Variants in AKAP6 observed in about 807,000 individuals in gnomAD.
AKAP6 encodes A-kinase anchoring protein 6, also known as A-kinase anchor protein 6.
AKAP6 carries 58 observed loss-of-function variants against 188.5 expected under a neutral mutation model. The observed-to-expected ratio is 0.31, with a 90% CI of 0.25 to 0.38. AKAP6 has a LOEUF of 0.38. Among genes scored for constraint, AKAP6 ranks in the 10% least tolerant of loss-of-function variants. AKAP6 has a pLI of 1.00. For missense variants in AKAP6, 2,710 were observed against 2,740.0 expected (o/e 0.99, Z 0.24); for synonymous variants, 989 against 998.6 (o/e 0.99, Z 0.18).
intron 2 of AKAP6, among the ~76,000 whole-genome samples, chr14:32,486,104 G>A (rs1292578926): frequency 1.3e-5 from 2 of 152,158 alleles, no homozygotes; most frequent in African/African-American, 4.8e-5. Context: ...TTTGTGTCAG[G>A]TTTGTCAAGG....
At chr14:32,646,228 A>G (rs2139511817) in intron 7 of AKAP6, among the ~76,000 whole-genome samples, 1 of 152,262 alleles carries the variant, frequency 6.6e-6, no homozygotes, top group South Asian at 2.1e-4. Context: ...TCAGTTGTGT[A>G]TCTGAGAACA....
chr14:32,433,910 TC>T, intron 2 of AKAP6, 93 bp downstream of exon 2: 1 of 1,269,138 alleles, frequency 7.9e-7, no homozygotes, highest in Non-Finnish European at 1.1e-6. Flanking sequence ...TGAGGAATTG[TC>T]CAGGAAGAAA....
chr14:32,556,736 T>A (rs1883704739), intron 4 of AKAP6, among the ~76,000 whole-genome samples: 1 of 152,236 alleles, frequency 6.6e-6, no homozygotes, highest in Non-Finnish European at 1.5e-5. Flanking sequence ...TGTCCTTTGA[T>A]GCATCAAGTT....
chr14:32,554,384 T>C (rs1035070838), intron 4 of AKAP6, among the ~76,000 whole-genome samples: 1 of 152,228 alleles, frequency 6.6e-6, no homozygotes, highest in Non-Finnish European at 1.5e-5. Flanking sequence ...CTGAAGTAGA[T>C]TCTTTCATTT....
Position 32,830,026 on chromosome 14 carries a change from G to T in AKAP6, c.*221G>T. The T allele has an allele frequency of 1.4e-6, 1 of 697,102 alleles. No homozygotes were observed. Among genetic ancestry groups the T allele is most frequent in the Non-Finnish European group, 2.6e-6 (1 of 381,690 alleles). The allele number at this position is 697,102 out of a possible 1,614,324, so 43.2% of individuals were successfully genotyped here. A position where few individuals can be genotyped will look rare whatever the true frequency, so the allele number is the denominator to read the frequency against. On this transcript the variant is annotated 3_prime_UTR_variant, in exon 14 of 14. Coordinates refer to ENST00000280979, the MANE Select transcript of AKAP6 (RefSeq NM_004274.5). ...GAATGTGTGCGCTGGTTCTCTTTAG[G>T]TGATCGTCTTTGAAGTTCAGCAAAG...
At chr14:32,647,961 A>C (rs1888052730) in intron 7 of AKAP6, among the ~76,000 whole-genome samples, 1 of 152,140 alleles carries the variant, frequency 6.6e-6, no homozygotes, top group Admixed American at 6.6e-5. Context: ...AAGCAATATA[A>C]AAAATGCAAA....
intron 2 of AKAP6, among the ~76,000 whole-genome samples, chr14:32,444,251 G>T (rs1165731378): frequency 1.3e-5 from 2 of 152,130 alleles, no homozygotes; most frequent in Non-Finnish European, 2.9e-5. Context: ...CAGAGTAGCT[G>T]GGCTTGGGTG....
At chr14:32,794,139 A>T (rs914324987) in intron 12 of AKAP6, among the ~76,000 whole-genome samples, 1 of 152,194 alleles carries the variant, frequency 6.6e-6, no homozygotes, top group African/African-American at 2.4e-5. Context: ...AACTGAAATC[A>T]TAACAAACAG....
At chr14:32,364,258 G>A (rs891112144) in intron 1 of AKAP6, among the ~76,000 whole-genome samples, 1 of 152,212 alleles carries the variant, frequency 6.6e-6, no homozygotes, top group African/African-American at 2.4e-5. Flanking sequence ...ATTTGGAACA[G>A]TTCATTATAG....
intron 1 of AKAP6, among the ~76,000 whole-genome samples, chr14:32,401,287 C>T (rs1170669831): frequency 1.3e-5 from 2 of 152,076 alleles, no homozygotes; most frequent in Non-Finnish European, 2.9e-5. Flanking sequence ...TGAAATGAGT[C>T]AGGGTTTTCT....
At chr14:32,573,761 A>G (rs138274366) in intron 4 of AKAP6, among the ~76,000 whole-genome samples, 3 of 152,230 alleles carry the variant, frequency 2.0e-5, no homozygotes, top group Admixed American at 6.5e-5. Context: ...TGTCATCCTT[A>G]TTTTCTTTCA....
At position 32,821,605 on chromosome 14, in the gene AKAP6, G is replaced by A. The variant is rs1186618013; in HGVS notation, c.3792G>A (p.Glu1264=). Residue 1264 remains glutamate (E), a synonymous_variant, in exon 13 of 14, where the codon GAG becomes GAA. Transcript: ENST00000280979. ...TSNEDPGYDE[E]ADNHGGSQYA... is the part of the protein sequence containing the mutation. ...ATGAGGACCCTGGTTATGACGAGGA[G>A]GCTGATAACCATGGGGGATCTCAGT... 6.2e-7 allele frequency: 1 copy of A among 1,613,568 alleles called. No homozygotes were observed. The highest frequency in any genetic ancestry group is 1.3e-5 in the African/African-American group (1 of 74,846).
chr14:32,657,992 A>T (rs1888523257), intron 7 of AKAP6, among the ~76,000 whole-genome samples: 1 of 152,176 alleles, frequency 6.6e-6, no homozygotes, highest in Non-Finnish European at 1.5e-5. Flanking sequence ...ATAAAGAACT[A>T]GTCTAGCACA....
chr14:32,701,906 A>G (rs1024620598), intron 9 of AKAP6, among the ~76,000 whole-genome samples: 3 of 152,116 alleles, frequency 2.0e-5, no homozygotes, highest in Admixed American at 2.0e-4. Context: ...CAATTCATTA[A>G]CTTTTTAAAA....
At chr14:32,372,232 G>A (rs994053185) in intron 1 of AKAP6, among the ~76,000 whole-genome samples, 1 of 152,028 alleles carries the variant, frequency 6.6e-6, no homozygotes, top group Non-Finnish European at 1.5e-5. Flanking sequence ...TAACCACTTT[G>A]TAAATACTAA....
At chr14:32,544,113 C>T (rs1479791747) in intron 3 of AKAP6, among the ~76,000 whole-genome samples, 1 of 152,134 alleles carries the variant, frequency 6.6e-6, no homozygotes, top group African/African-American at 2.4e-5. Flanking sequence ...TCTGGGAAAA[C>T]CTGGTTGAAA....
chr14:32,724,639 G>C (rs574798880), intron 9 of AKAP6, among the ~76,000 whole-genome samples: 1 of 152,190 alleles, frequency 6.6e-6, no homozygotes, highest in East Asian at 1.9e-4. Context: ...GCCAGTTCTT[G>C]GCTAAGGAGT....
At chr14:32,780,157 C>CCATATATAT (rs142218168) in intron 12 of AKAP6, among the ~76,000 whole-genome samples, 1 of 119,344 alleles carries the variant, frequency 8.4e-6, no homozygotes, top group African/African-American at 3.2e-5. Context: ...AAAAAAAAAA[C>CCATATATAT]ATATATATAT....
intron 12 of AKAP6, among the ~76,000 whole-genome samples, chr14:32,775,234 T>C (rs949957625): frequency 1.1e-4 from 17 of 152,196 alleles, no homozygotes; most frequent in Admixed American, 1.0e-3. Flanking sequence ...TTACTTTCTA[T>C]ACTTTTAAGC....
Sources: allele counts gnomAD v4.1 joint callset (sites outside exome capture counted in the v4.1 genomes callset), GRCh38; gene constraint gnomAD v4.1.1; transcripts MANE v1.5; gene names NCBI Gene and HGNC (gene_info 2026-07-23, HGNC 2026-07-21).